Variants in TBK1 observed in about 807,000 individuals in gnomAD.
The protein encoded by TBK1 is TANK binding kinase 1.
In TBK1, 37 loss-of-function variants were observed where a neutral mutation model predicts 99.9. The ratio of observed to expected loss-of-function variants is 0.37; its 90% CI spans 0.28 to 0.49. The LOEUF (loss-of-function observed/expected upper bound fraction) is 0.49, where lower values mean the gene tolerates loss of function less well. Ranked by LOEUF, TBK1 falls within the 20% of genes least tolerant of loss-of-function variation. The pLI is 0.98. For missense variants in TBK1, 644 were observed against 872.5 expected, an observed-to-expected ratio of 0.74 and a Z score of 3.30; for synonymous variants, 258 against 279.8, an observed-to-expected ratio of 0.92 and a Z score of 0.78.
intron 5 of TBK1, among the ~76,000 whole-genome samples, chr12:64,471,744 A>G (rs1290796746): frequency 6.6e-6 from 1 of 152,160 alleles, no homozygotes; most frequent in African/African-American, 2.4e-5. Flanking sequence ...CTTCTTCCAG[A>G]TGCAATAGCC....
At position 64,488,531 on chromosome 12, in the gene TBK1, C is replaced by T. The variant is rs1565821786; in HGVS notation, c.1385C>T (p.Thr462Ile). 2 of 1,602,738 alleles carry T rather than the reference C, an allele frequency of 1.2e-6. No homozygotes were observed. The highest frequency in any genetic ancestry group is 1.1e-5 in the South Asian group (1 of 87,522). The change falls in exon 12 of 21, where the codon ACA becomes ATA. Residue 462 changes from threonine (T) to isoleucine (I), a missense_variant. Coordinates refer to ENST00000331710, the MANE Select transcript of TBK1 (RefSeq NM_013254.4). ...DDYNETVHKKTEVVITLDFCI... is the reference protein window; with the variant it reads ...DDYNETVHKKIEVVITLDFCI... The stretch of plus-strand genomic sequence containing the variant: ...TACAATGAAACTGTTCACAAAAAGA[C>T]AGAAGTTGTGATCACATTGGATTTC...
At chr12:64,468,540 A>G (rs2040629553) in intron 5 of TBK1, among the ~76,000 whole-genome samples, 2 of 151,896 alleles carry the variant, frequency 1.3e-5, no homozygotes, top group Admixed American at 1.3e-4. Flanking sequence ...CATTCATTGC[A>G]CAAATATTTA....
intron 7 of TBK1, among the ~76,000 whole-genome samples, 168 bp from the exon 8 acceptor site, chr12:64,481,674 T>C (rs1201117767): frequency 6.6e-6 from 1 of 152,214 alleles, no homozygotes; most frequent in Non-Finnish European, 1.5e-5. Context: ...TGGCATTAAA[T>C]GAAGGTTACC....
chr12:64,497,472 C>CT (rs1240357551), intron 18 of TBK1, among the ~76,000 whole-genome samples, 176 bp from the exon 19 acceptor site: 1 of 151,974 alleles, frequency 6.6e-6, no homozygotes, highest in Non-Finnish European at 1.5e-5. Flanking sequence ...AAGTTTCTTT[C>CT]TTAAAAGGGT....
chr12:64,487,627 A>T (rs1430241857), intron 11 of TBK1, among the ~76,000 whole-genome samples: 1 of 152,174 alleles, frequency 6.6e-6, no homozygotes, highest in East Asian at 1.9e-4. Context: ...TGAAGCTTTT[A>T]TTCCTTTTAC....
At position 64,488,491 on chromosome 12, in the gene TBK1, T is replaced by C; in HGVS notation, c.1345T>C (p.Leu449=). 2.6e-6 allele frequency: 4 copies of C among 1,556,726 alleles called. No individual in the cohort carries two copies. Among genetic ancestry groups the C allele is most frequent in the Non-Finnish European group, 3.5e-6 (4 of 1,154,508 alleles). ...AGAATAATTTTCTTTTTTTAGTGAA[T>C]TAATTAAAGATGATTACAATGAAAC... The part of the protein sequence containing the change: ...MRKGIRWLIE[L]IKDDYNETVH... Residue 449 remains leucine, a synonymous_variant, in exon 12 of 21, where the codon TTA becomes CTA. Transcript: ENST00000331710.
At chr12:64,460,007 G>A (rs1322280991) in intron 2 of TBK1, among the ~76,000 whole-genome samples, 182 bp from the exon 3 acceptor site, 2 of 152,172 alleles carry the variant, frequency 1.3e-5, no homozygotes, top group African/African-American at 2.4e-5. Context: ...GAAATGTTGA[G>A]CAGTTAATTG....
At chr12:64,463,866 T>TG (rs1349668668) in intron 3 of TBK1, among the ~76,000 whole-genome samples, 2 of 74,264 alleles carry the variant, frequency 2.7e-5, no homozygotes, top group African/African-American at 1.1e-4. Flanking sequence ...AGTTTTTTTT[T>TG]TTTGTTTTTT....
rs1202881473 is a variant in TBK1 at position 64,467,365 on chromosome 12, C to T, written c.540+283C>T. Among the ~76,000 whole-genome samples, 3 of 152,062 alleles carry T rather than the reference C, an allele frequency of 2.0e-5. 1 individual carries two copies. The highest frequency in any genetic ancestry group is 4.4e-5 in the Non-Finnish European group (3 of 68,006). On this transcript the variant is annotated intron_variant, in intron 5 of 20. Transcript: ENST00000331710. ...AAGGGTCTGTTTTTTGATGAGCAGT[C>T]AGCATATTACAAGCTTGTTATAATA...
At chr12:64,497,459 GAA>G (rs2040940117) in intron 18 of TBK1, among the ~76,000 whole-genome samples, 187 bp from the exon 19 acceptor site, 1 of 152,020 alleles carries the variant, frequency 6.6e-6, no homozygotes, top group Non-Finnish European at 1.5e-5. Context: ...TCAACTGTAT[GAA>G]AAGTTTCTTT....
chr12:64,467,544 C>G (rs76333211), intron 5 of TBK1, among the ~76,000 whole-genome samples: 3,703 of 152,192 alleles, frequency 0.024, 177 homozygotes, highest in African/African-American at 0.084. Context: ...TAGAAAAGCT[C>G]TGTAGTTGAA....
At chr12:64,498,180 G>T (rs2040949587) in intron 20 of TBK1, 141 bp downstream of exon 20, 1 of 658,442 alleles carries the variant, frequency 1.5e-6, no homozygotes, top group Non-Finnish European at 2.6e-6. Context: ...CTCTATGATT[G>T]TGTATCTGTG....
chr12:64,477,405 G>T (rs943813191), intron 6 of TBK1, among the ~76,000 whole-genome samples: 2 of 152,078 alleles, frequency 1.3e-5, no homozygotes, highest in Non-Finnish European at 2.9e-5. Context: ...AGGTATTTTT[G>T]TGTCTGTGTG....
chr12:64,489,812 G>A (rs1165019173), intron 12 of TBK1, among the ~76,000 whole-genome samples: 4 of 149,180 alleles, frequency 2.7e-5, no homozygotes, highest in East Asian at 2.0e-4. Flanking sequence ...TCCTAACTTC[G>A]TGATCTTCCC....
At chr12:64,454,991 CTTTTT>C (rs55853717) in intron 1 of TBK1, among the ~76,000 whole-genome samples, 1 of 107,556 alleles carries the variant, frequency 9.3e-6, no homozygotes, top group Non-Finnish European at 1.9e-5. Flanking sequence ...TTTTTTTTTT[CTTTTT>C]TTTTTTTTTG....
rs942457528 is a variant in TBK1, at chr12:64,501,845, A to G, written c.*464A>G. ...GCACCACTGTTATACTGGGATAACA[A>G]TTTTTTTGAGAAGGATAAAGTGGCA... is the stretch of plus-strand genomic sequence containing the variant. On this transcript the variant is annotated 3_prime_UTR_variant, in exon 21 of 21. Coordinates refer to ENST00000331710, the MANE Select transcript of TBK1 (RefSeq NM_013254.4). The G allele has an allele frequency of 6.5e-6, 1 of 152,742 alleles. No homozygotes were observed. The highest frequency in any genetic ancestry group is 2.4e-5 in the African/African-American group (1 of 41,470). 9.5% of individuals were successfully genotyped at this position (152,742 alleles called of 1,614,324 possible). A position where few individuals can be genotyped will look rare whatever the true frequency, so the allele number is the denominator to read the frequency against.
chr12:64,466,327 A>G (rs2040603743), intron 4 of TBK1, among the ~76,000 whole-genome samples: 1 of 152,168 alleles, frequency 6.6e-6, no homozygotes, highest in Admixed American at 6.5e-5. Flanking sequence ...AATTTCAGCA[A>G]AGTAGACAAC....
chr12:64,459,881 T>C (rs1410985240), intron 2 of TBK1, among the ~76,000 whole-genome samples: 1 of 152,248 alleles, frequency 6.6e-6, no homozygotes, highest in Non-Finnish European at 1.5e-5. Flanking sequence ...GATACTATTA[T>C]GGCTTTTATC....
intron 2 of TBK1, among the ~76,000 whole-genome samples, chr12:64,459,277 C>T (rs997414808): frequency 2.0e-5 from 3 of 152,012 alleles, no homozygotes; most frequent in African/African-American, 7.2e-5. Flanking sequence ...GGACTGGCCA[C>T]GAGGGAGAGG....
Sources: gnomAD v4.1 joint callset for allele counts (sites outside exome capture counted in the v4.1 genomes callset) on GRCh38, gnomAD v4.1.1 for gene constraint, MANE v1.5 for transcripts, NCBI Gene and HGNC (gene_info 2026-07-23, HGNC 2026-07-21) for gene names.